TRPC4: variants seen among roughly 807,000 people sequenced by gnomAD.
The protein encoded by TRPC4 is short transient receptor potential channel 4.
A neutral mutation model predicts 99.4 loss-of-function variants in TRPC4; 49 were observed. The ratio of observed to expected loss-of-function variants is 0.49; its 90% CI spans 0.39 to 0.63. The LOEUF is 0.63. TRPC4 is among the 20% of genes least tolerant of loss of function. TRPC4 has a pLI of 0.00. For synonymous variants in TRPC4, 454 were observed against 425.9 expected, an observed-to-expected ratio of 1.07 and a Z score of -0.81; for missense variants, 898 against 1,152.9, an observed-to-expected ratio of 0.78 and a Z score of 3.20.
intron 1 of TRPC4, among the ~76,000 whole-genome samples, chr13:37,817,262 C>A (rs1357101047): frequency 2.6e-5 from 4 of 151,978 alleles, no homozygotes; most frequent in Non-Finnish European, 5.9e-5. Context: ...GGAATGTAAT[C>A]CCATTCACAA....
At chr13:37,787,826 A>G (rs1227001928) in intron 1 of TRPC4, among the ~76,000 whole-genome samples, 2 of 152,078 alleles carry the variant, frequency 1.3e-5, no homozygotes, top group African/African-American at 4.8e-5. Flanking sequence ...GATTATACTT[A>G]TTTTCAAAAT....
intron 3 of TRPC4, among the ~76,000 whole-genome samples, chr13:37,698,238 G>A (rs754336853): frequency 1.0e-4 from 14 of 136,338 alleles, no homozygotes; most frequent in Non-Finnish European, 1.5e-5. Context: ...TCAGCTCATT[G>A]CAAGCTCTGC....
At chr13:37,672,322 GT>G (rs1952878349) in intron 5 of TRPC4, among the ~76,000 whole-genome samples, 1 of 152,142 alleles carries the variant, frequency 6.6e-6, no homozygotes, top group Non-Finnish European at 1.5e-5. Flanking sequence ...TATAACAGCA[GT>G]TTCTTTGGGA....
intron 3 of TRPC4, among the ~76,000 whole-genome samples, chr13:37,726,073 G>A (rs1020918793): frequency 6.6e-6 from 1 of 151,954 alleles, no homozygotes; most frequent in Non-Finnish European, 1.5e-5. Flanking sequence ...GTGGGCACCT[G>A]TTGTCCCAGC....
rs554043649 is a variant in TRPC4, at chr13:37,632,392, TA to T, written c.*4510del. Among the ~76,000 whole-genome samples the T allele has an allele frequency of 1.2e-3, 188 of 152,344 alleles. No homozygotes were observed. The highest frequency in any genetic ancestry group is 4.4e-3 in the African/African-American group (185 of 41,592). On this transcript the variant is annotated 3_prime_UTR_variant, in exon 11 of 11. Transcript: ENST00000379705. The stretch of plus-strand genomic sequence containing the variant: ...AAAATATTTATGAGCTAGTTTACAT[TA>T]TTTTCATACTGTCCTAGAAATCTGG...
At chr13:37,839,276 G>A (rs1458738393) in intron 1 of TRPC4, among the ~76,000 whole-genome samples, 2 of 151,994 alleles carry the variant, frequency 1.3e-5, no homozygotes, top group South Asian at 2.1e-4. Context: ...TTGCTCTACC[G>A]AAAACCAGGT....
chr13:37,786,179 T>C (rs1956963720), intron 1 of TRPC4, among the ~76,000 whole-genome samples: 1 of 152,004 alleles, frequency 6.6e-6, no homozygotes. Flanking sequence ...TATATAAGAA[T>C]TTATGTTAGG....
chr13:37,791,271 C>G (rs1474425197), intron 1 of TRPC4, among the ~76,000 whole-genome samples: 1 of 151,832 alleles, frequency 6.6e-6, no homozygotes, highest in Non-Finnish European at 1.5e-5. Context: ...TGGCATGCAC[C>G]TGTAGTCCCA....
intron 1 of TRPC4, among the ~76,000 whole-genome samples, chr13:37,866,553 T>C (rs952531043): frequency 2.0e-5 from 3 of 151,808 alleles, no homozygotes; most frequent in African/African-American, 7.2e-5. Context: ...ACAAATGGTG[T>C]CTTTCCCTAA....
chr13:37,677,563 A>G (rs1467923409), intron 4 of TRPC4, among the ~76,000 whole-genome samples: 1 of 152,186 alleles, frequency 6.6e-6, no homozygotes, highest in Non-Finnish European at 1.5e-5. Flanking sequence ...AGGTATATAG[A>G]GGGATATAAC....
intron 1 of TRPC4, among the ~76,000 whole-genome samples, chr13:37,865,243 C>T (rs1313369078): frequency 1.3e-5 from 2 of 151,618 alleles, no homozygotes; most frequent in African/African-American, 2.4e-5. Flanking sequence ...AAAACAAATA[C>T]ACTTGTCTAG....
At chr13:37,825,019 G>A (rs1958158370) in intron 1 of TRPC4, among the ~76,000 whole-genome samples, 1 of 151,808 alleles carries the variant, frequency 6.6e-6, no homozygotes, top group African/African-American at 2.4e-5. Context: ...ATGTGTCGGG[G>A]AATTTATCCA....
intron 9 of TRPC4, 37 bp downstream of exon 9, chr13:37,639,221 A>G: frequency 6.2e-7 from 1 of 1,613,306 alleles, no homozygotes; most frequent in Non-Finnish European, 8.5e-7. Flanking sequence ...ATTTTATTTT[A>G]GTGAAAATTT....
chr13:37,715,231 T>A (rs141174549), intron 3 of TRPC4, among the ~76,000 whole-genome samples: 2,258 of 152,282 alleles, frequency 0.015, 40 homozygotes, highest in Admixed American at 0.03. Flanking sequence ...CCACGTGATA[T>A]TGCCAAAGCC....
At chr13:37,656,340 G>A (rs780971013) in intron 6 of TRPC4, among the ~76,000 whole-genome samples, 11 of 152,088 alleles carry the variant, frequency 7.2e-5, no homozygotes, top group Non-Finnish European at 1.2e-4. Flanking sequence ...CTCATACACG[G>A]CATGATGACT....
intron 2 of TRPC4, among the ~76,000 whole-genome samples, chr13:37,781,752 G>A (rs781096780): frequency 3.9e-5 from 6 of 152,034 alleles, no homozygotes; most frequent in Non-Finnish European, 7.4e-5. Context: ...TTTTATCAAA[G>A]TCTTAGTTCA....
At chr13:37,763,309 G>A (rs1956273840) in intron 2 of TRPC4, among the ~76,000 whole-genome samples, 1 of 151,586 alleles carries the variant, frequency 6.6e-6, no homozygotes, top group African/African-American at 2.4e-5. Flanking sequence ...GAAGTACTAA[G>A]GCATATATTG....
chr13:37,842,240 A>G (rs1476828444), intron 1 of TRPC4, among the ~76,000 whole-genome samples: 2 of 130,288 alleles, frequency 1.5e-5, no homozygotes, highest in Non-Finnish European at 3.4e-5. Flanking sequence ...ACTGCACTCC[A>G]GCCTAGGCAA....
At chr13:37,813,010 G>A (rs1386760577) in intron 1 of TRPC4, among the ~76,000 whole-genome samples, 1 of 151,568 alleles carries the variant, frequency 6.6e-6, no homozygotes, top group Admixed American at 6.6e-5. Context: ...TGAAAAAAAA[G>A]TCAATCTAGA....
Sources: allele counts gnomAD v4.1 joint callset (sites outside exome capture counted in the v4.1 genomes callset), GRCh38; gene constraint gnomAD v4.1.1; transcripts MANE v1.5; gene names NCBI Gene and HGNC (gene_info 2026-07-23, HGNC 2026-07-21).